The following SNAP47 variants were observed in gnomAD, a reference collection of about 807,000 sequenced individuals.
SNAP47 encodes the protein synaptosome associated protein 47, also known as synaptosomal-associated protein 47.
A neutral mutation model predicts 31.4 loss-of-function variants in SNAP47; 20 were observed. The ratio of observed to expected loss-of-function variants is 0.64; its 90% CI spans 0.45 to 0.93. The LOEUF is 0.93. SNAP47 is among the 40% of genes least tolerant of loss of function. The pLI, the probability that SNAP47 is intolerant of heterozygous loss-of-function variation, is 0.00. For synonymous variants in SNAP47, 194 were observed against 213.4 expected (o/e 0.91, Z 0.79); for missense variants, 492 against 528.5 (o/e 0.93, Z 0.68).
At chr1:227,730,802 T>A (rs562491141), upstream of SNAP47, 1 of 152,490 alleles carries the variant, frequency 6.6e-6, no homozygotes, top group South Asian at 2.1e-4. Flanking sequence ...CTGGCTGCCC[T>A]GGGGTCCACA....
At chr1:227,756,926 G>C (rs76133177) in intron 2 of SNAP47, among the ~76,000 whole-genome samples, 38 of 152,390 alleles carry the variant, frequency 2.5e-4, no homozygotes, top group Non-Finnish European at 4.1e-4. Context: ...CCTCCTGCCA[G>C]GGAGCCCAAG....
At position 227,780,835 on chromosome 1, in the gene SNAP47, GGT is replaced by G; in HGVS notation, c.*166_*167del. ...TGCTTCTGCACCAGGGGCCTCCCCA[GGT>G]GTGCACCATGCCTGCCTCCCACTTG... On this transcript the variant is annotated 3_prime_UTR_variant, in exon 5 of 5. Coordinates refer to ENST00000617596, the MANE Select transcript of SNAP47 (RefSeq NM_053052.4). 1 of 960,684 alleles carries G rather than the reference GGT, an allele frequency of 1.0e-6. No individual in the cohort carries two copies. Among genetic ancestry groups the G allele is most frequent in the Non-Finnish European group, 1.5e-6 (1 of 664,062 alleles). 59.5% of individuals were successfully genotyped at this position (960,684 alleles called of 1,614,324 possible).
At chr1:227,731,727 G>A (rs904781294), upstream of SNAP47, 4 of 155,920 alleles carry the variant, frequency 2.6e-5, no homozygotes, top group African/African-American at 9.6e-5. Flanking sequence ...GTGCACAGCA[G>A]GCACAGTCCC....
chr1:227,775,668 C>A, intron 4 of SNAP47: 2 of 1,016,158 alleles, frequency 2.0e-6, no homozygotes, highest in Non-Finnish European at 2.7e-6. Context: ...CATGGACACA[C>A]AGCTGCTTTG....
upstream of SNAP47, chr1:227,733,149 G>A (rs1311098445): frequency 1.8e-6 from 2 of 1,138,460 alleles, no homozygotes; most frequent in Non-Finnish European, 2.5e-6. Context: ...GGGCCCTCCT[G>A]TCTCCCAGCA....
chr1:227,753,685 A>T (rs1181310663), intron 2 of SNAP47, among the ~76,000 whole-genome samples: 1 of 152,082 alleles, frequency 6.6e-6, no homozygotes, highest in East Asian at 1.9e-4. Flanking sequence ...GTAAACCCAC[A>T]AGCAGGATTG....
intron 3 of SNAP47, among the ~76,000 whole-genome samples, chr1:227,764,965 C>T (rs1273083647): frequency 6.6e-6 from 1 of 152,204 alleles, no homozygotes; most frequent in Non-Finnish European, 1.5e-5. Context: ...TTCTCAGCTA[C>T]TCGGGAGGCT....
chr1:227,772,270 T>C (rs1480970774), intron 4 of SNAP47, among the ~76,000 whole-genome samples: 1 of 151,556 alleles, frequency 6.6e-6, no homozygotes, highest in Non-Finnish European at 1.5e-5. Flanking sequence ...TTCAGTGGAG[T>C]TAATGAAATT....
upstream of SNAP47, chr1:227,732,459 A>G (rs754769252): frequency 6.2e-7 from 1 of 1,613,308 alleles, no homozygotes; most frequent in Non-Finnish European, 8.5e-7. Flanking sequence ...CTGTGGTGAG[A>G]ACGCGCTGGT....
Position 227,762,645 on chromosome 1 carries a change from G to A in SNAP47, c.988+3160G>A, listed in dbSNP as rs1663138812. Among the ~76,000 whole-genome samples the A allele has an allele frequency of 6.6e-6, 1 of 152,188 alleles. No homozygotes were observed. Among genetic ancestry groups the A allele is most frequent in the Non-Finnish European group, 1.5e-5 (1 of 68,028 alleles). On this transcript the variant is annotated intron_variant, in intron 3 of 4. Transcript: ENST00000617596. This position sits in a 1 kb window ranked among gnomAD's most constrained non-coding sequence, Gnocchi z 4.2. ...ACCGGATGGGCGCTTGTCAGGGAGG[G>A]ACACCCGGGGCGGGGAGCCTTTCCA...
Position 227,767,014 on chromosome 1 carries a change from G to A in SNAP47, c.1044G>A (p.Glu348=). 6.2e-7 allele frequency: 1 copy of A among 1,614,018 alleles called. No individual in the cohort carries two copies. The highest frequency in any genetic ancestry group is 8.5e-7 in the Non-Finnish European group (1 of 1,180,028). ...GTGAGCCACCCGCAGGAGACCAGGA[G>A]GGCACAGCACTGCACCTGCAGACAA... is the stretch of plus-strand genomic sequence containing the variant. ...LHREPPAGDQ[E]GTALHLQTSL... The change falls in exon 4 of 5, where the codon GAG becomes GAA. Residue 348 remains glutamate, a synonymous_variant. Transcript: ENST00000617596.
chr1:227,732,250 G>T, upstream of SNAP47: 1 of 955,346 alleles, frequency 1.0e-6, no homozygotes, highest in Non-Finnish European at 1.6e-6. Flanking sequence ...CAGGCACCCA[G>T]GCAGTGGCCA....
chr1:227,763,782 G>A lies in SNAP47; in HGVS notation c.989-3177G>A, dbSNP rs1663212568. On this transcript the variant is annotated intron_variant, in intron 3 of 4. Transcript: ENST00000617596. This position sits in a 1 kb window ranked among gnomAD's most constrained non-coding sequence, Gnocchi z 4.2. ...CTTCACAGGCCCACTAGGCCCAGCA[G>A]AGGCCTTTCCTGGGTGACAGGTGAG... Among the ~76,000 whole-genome samples the A allele has an allele frequency of 6.6e-6, 1 of 152,232 alleles. No individual in the cohort carries two copies. The highest frequency in any genetic ancestry group is 2.4e-5 in the African/African-American group (1 of 41,464).
At chr1:227,755,693 T>A (rs189494064) in intron 2 of SNAP47, among the ~76,000 whole-genome samples, 84 of 152,316 alleles carry the variant, frequency 5.5e-4, no homozygotes, top group African/African-American at 1.9e-3. Context: ...CTAGTTTTTT[T>A]ATTTTTTTGT....
intron 4 of SNAP47, among the ~76,000 whole-genome samples, chr1:227,779,699 G>A (rs1664352705): frequency 6.6e-6 from 1 of 152,204 alleles, no homozygotes; most frequent in Non-Finnish European, 1.5e-5. Flanking sequence ...AGTGTGTAAA[G>A]CAGCGCTTCA....
upstream of SNAP47, chr1:227,734,270 C>T: frequency 2.1e-6 from 1 of 474,610 alleles, no homozygotes; most frequent in Non-Finnish European, 3.7e-6. Flanking sequence ...AATCCCAGTG[C>T]TTTGAGATGC....
chr1:227,737,631 C>A (rs899717528), intron 1 of SNAP47, among the ~76,000 whole-genome samples: 3 of 152,124 alleles, frequency 2.0e-5, no homozygotes, highest in African/African-American at 7.2e-5. Flanking sequence ...GGGCTCTGAG[C>A]CTTGCTGGAA....
At position 227,748,057 on chromosome 1, in the gene SNAP47, A is replaced by C. The variant is rs1479018684; in HGVS notation, c.321A>C (p.Gly107=). Residue 107 remains glycine, a synonymous_variant, in exon 2 of 5, where the codon GGA becomes GGC. Coordinates refer to ENST00000617596, the MANE Select transcript of SNAP47 (RefSeq NM_053052.4). Reference sequence around the variant, plus strand: ...GGGAGCTGCTGCTGTCTCAGCCTGGAGCCGTGGCAGACGCATCTGTCCCAA... The same window carrying C: ...GGGAGCTGCTGCTGTCTCAGCCTGGCGCCGTGGCAGACGCATCTGTCCCAA... ...FWRELLLSQP[G]AVADASVPRT... is the part of the protein sequence containing the mutation. 3 of 1,613,988 alleles carry C rather than the reference A, an allele frequency of 1.9e-6. No homozygotes were observed. The South Asian group carries it at 3.3e-5, about 18-fold the overall frequency.
intron 3 of SNAP47, 129 bp downstream of exon 3, chr1:227,759,614 A>G: frequency 1.6e-6 from 2 of 1,270,506 alleles, no homozygotes; most frequent in South Asian, 1.4e-5. Flanking sequence ...CTTGCTAGAG[A>G]CAGCTCGTTT....
Sources: allele counts gnomAD v4.1 joint callset (sites outside exome capture counted in the v4.1 genomes callset), GRCh38; gene constraint gnomAD v4.1.1; non-coding constraint Gnocchi (gnomAD v3.1); transcripts MANE v1.5; gene names NCBI Gene and HGNC (gene_info 2026-07-23, HGNC 2026-07-21).